Variants in PDZD2 observed in about 807,000 individuals in gnomAD.
PDZD2 encodes PDZ domain-containing protein 2.
Under a neutral mutation model 220.7 loss-of-function variants are expected in PDZD2, and 90 were observed. That is an observed-to-expected ratio of 0.41 (90% CI 0.34 to 0.49). The LOEUF (loss-of-function observed/expected upper bound fraction) is 0.49. PDZD2 is among the 20% of genes least tolerant of loss of function. The pLI is 0.28. For synonymous variants in PDZD2, 1,375 were observed against 1,450.5 expected (o/e 0.95, Z 1.18); for missense variants, 3,174 against 3,608.5 (o/e 0.88, Z 3.08).
chr5:31,995,999 G>A (rs954013004), intron 4 of PDZD2, among the ~76,000 whole-genome samples: 1 of 152,240 alleles, frequency 6.6e-6, no homozygotes, highest in East Asian at 1.9e-4. Flanking sequence ...TGAATGTTAC[G>A]TATCCTAACT....
chr5:32,100,463 A>G (rs1408309187), intron 23 of PDZD2: 2 of 240,602 alleles, frequency 8.3e-6, no homozygotes, highest in Non-Finnish European at 1.6e-5. Flanking sequence ...AGCCGGCATC[A>G]CCATGGAAAC....
At chr5:32,085,116 G>A (rs1371816882) in intron 19 of PDZD2, among the ~76,000 whole-genome samples, 1 of 151,314 alleles carries the variant, frequency 6.6e-6, no homozygotes, top group Non-Finnish European at 1.5e-5. Context: ...CACCATGCCT[G>A]GTTAATTTTT....
rs538436767 is a variant in PDZD2 at position 31,922,283 on chromosome 5, TGAA to T, written c.477-60871_477-60869del. 2.7e-3 allele frequency among the ~76,000 whole-genome samples: 409 copies of T among 152,296 alleles called. 2 individuals carry two copies. Among genetic ancestry groups the T allele is most frequent in the African/African-American group, 8.6e-3 (356 of 41,572 alleles). On this transcript the variant is annotated intron_variant, in intron 2 of 24. Coordinates refer to ENST00000438447, the MANE Select transcript of PDZD2 (RefSeq NM_178140.4). ...TTCATGGTAAAGATGAGAAATACCTTGAAAGTACAGCTCTGAGCCCAAACATGT... is the reference window on the plus strand; with the variant it reads ...TTCATGGTAAAGATGAGAAATACCTTAGTACAGCTCTGAGCCCAAACATGT...
rs781729887 is a variant in PDZD2, at chr5:32,097,340, G to C, written c.7907G>C (p.Ser2636Thr). 6.2e-7 allele frequency: 1 copy of C among 1,613,334 alleles called. No individual in the cohort carries two copies. Among genetic ancestry groups the C allele is most frequent in the Non-Finnish European group, 8.5e-7 (1 of 1,179,240 alleles). ...NRKEGSGLGF[S>T]VAGGTDVEPK... is the part of the protein sequence containing the mutation. ...AAAGAAGGCTCAGGTCTGGGATTCA[G>C]TGTGGCAGGAGGGACAGATGTGGAG... Residue 2636 changes from serine to threonine, a missense_variant, in exon 22 of 25, where the codon AGT becomes ACT. Around this residue, in one of 4 missense-constraint regions of PDZD2, gnomAD observed 631 missense variants for 789.9 expected, o/e 0.80. Transcript: ENST00000438447.
intron 2 of PDZD2, among the ~76,000 whole-genome samples, chr5:31,889,025 C>T (rs576085502): frequency 6.6e-6 from 1 of 152,284 alleles, no homozygotes; most frequent in Non-Finnish European, 1.5e-5. Flanking sequence ...AGCCCCCTCC[C>T]CTATCACGTA....
At chr5:31,674,225 T>A (rs1234850964) in intron 1 of PDZD2, among the ~76,000 whole-genome samples, 1 of 152,122 alleles carries the variant, frequency 6.6e-6, no homozygotes, top group African/African-American at 2.4e-5. Flanking sequence ...TCAAATACAG[T>A]CTGTGAAAAG....
At chr5:31,920,394 C>T (rs909464074) in intron 2 of PDZD2, among the ~76,000 whole-genome samples, 1 of 107,874 alleles carries the variant, frequency 9.3e-6, no homozygotes, top group African/African-American at 3.2e-5. Context: ...ATCAACGCCC[C>T]CCCCCCCCAC....
chr5:31,836,365 G>A (rs193271479), intron 2 of PDZD2, among the ~76,000 whole-genome samples: 438 of 151,636 alleles, frequency 2.9e-3, no homozygotes, highest in African/African-American at 0.01. Context: ...CCAAGTAGCT[G>A]GGATTACAGA....
chr5:32,052,584 C>T, intron 8 of PDZD2, 27 bp from the exon 9 acceptor site: 5 of 1,611,204 alleles, frequency 3.1e-6, no homozygotes, highest in Non-Finnish European at 4.2e-6. Context: ...AGAGTAATCT[C>T]TGACCTTGCC....
At chr5:31,668,148 G>A (rs1330157348) in intron 1 of PDZD2, among the ~76,000 whole-genome samples, 2 of 152,166 alleles carry the variant, frequency 1.3e-5, no homozygotes, top group African/African-American at 2.4e-5. Context: ...GGCGTGGGCC[G>A]CTGCACTTGG....
intron 1 of PDZD2, among the ~76,000 whole-genome samples, chr5:31,699,497 C>A (rs983829720): frequency 6.6e-6 from 1 of 152,046 alleles, no homozygotes; most frequent in Non-Finnish European, 1.5e-5. Flanking sequence ...GCCTGTAATC[C>A]CAGCGCTTTG....
chr5:31,959,602 G>A (rs567296074), intron 2 of PDZD2, among the ~76,000 whole-genome samples: 2 of 149,612 alleles, frequency 1.3e-5, no homozygotes, highest in Admixed American at 6.6e-5. Context: ...TTCCCACCTC[G>A]ACCTCTCAAA....
chr5:31,802,279 A>G (rs1003514664), intron 2 of PDZD2, among the ~76,000 whole-genome samples: 2 of 152,072 alleles, frequency 1.3e-5, no homozygotes, highest in African/African-American at 4.8e-5. Context: ...AATCTGTGAG[A>G]CACTTTTTTA....
intron 24 of PDZD2, among the ~76,000 whole-genome samples, chr5:32,105,892 G>T (rs1260795933): frequency 1.3e-5 from 2 of 152,222 alleles, no homozygotes; most frequent in Non-Finnish European, 2.9e-5. Flanking sequence ...TCTCTCTTGT[G>T]TAAAAAGTCC....
chr5:31,946,717 G>A (rs755485541), intron 2 of PDZD2, among the ~76,000 whole-genome samples: 4 of 152,040 alleles, frequency 2.6e-5, no homozygotes, highest in Non-Finnish European at 5.9e-5. Flanking sequence ...GTTAAGAAAC[G>A]GTATCGCTCT....
chr5:31,711,346 G>C (rs1416926345), intron 1 of PDZD2, among the ~76,000 whole-genome samples: 1 of 152,216 alleles, frequency 6.6e-6, no homozygotes, highest in South Asian at 2.1e-4. Context: ...TGTGACAGGG[G>C]ATGGGAAGGA....
intron 2 of PDZD2, among the ~76,000 whole-genome samples, chr5:31,824,940 A>G (rs1756123918): frequency 6.6e-6 from 1 of 152,172 alleles, no homozygotes; most frequent in Non-Finnish European, 1.5e-5. Flanking sequence ...CTCTATTAAT[A>G]CTAGCTCCGT....
At chr5:31,990,561 AACAG>A (rs1269240363) in intron 3 of PDZD2, among the ~76,000 whole-genome samples, 3 of 152,330 alleles carry the variant, frequency 2.0e-5, no homozygotes, top group African/African-American at 4.8e-5. Flanking sequence ...AACACTGGCA[AACAG>A]ACAGATCTCC....
intron 1 of PDZD2, among the ~76,000 whole-genome samples, chr5:31,684,322 T>A (rs562420711): frequency 1.7e-4 from 26 of 152,268 alleles, no homozygotes; most frequent in African/African-American, 4.6e-4. Flanking sequence ...TCTACCCAGT[T>A]ACTTTGACCA....
Sources: gnomAD v4.1 joint callset for allele counts (sites outside exome capture counted in the v4.1 genomes callset) on GRCh38, gnomAD v4.1.1 for gene constraint, gnomAD v4.1.1 regional missense constraint, MANE v1.5 for transcripts, NCBI Gene and HGNC (gene_info 2026-07-23, HGNC 2026-07-21) for gene names.